NIN: variants seen among roughly 807,000 people sequenced by gnomAD.
NIN encodes glycogen synthase kinase 3 beta-interacting protein.
In NIN, 137 loss-of-function variants were observed where a neutral mutation model predicts 257.6. The ratio of observed to expected loss-of-function variants is 0.53; its 90% CI spans 0.46 to 0.61. NIN has a LOEUF of 0.61. Ranked by LOEUF, NIN falls within the 20% of genes least tolerant of loss-of-function variation. The pLI, the probability that NIN is intolerant of heterozygous loss-of-function variation, is 0.00. For synonymous variants in NIN, 918 were observed against 919.8 expected, an observed-to-expected ratio of 1.00 and a Z score of 0.04; for missense variants, 2,439 against 2,501.2, an observed-to-expected ratio of 0.98 and a Z score of 0.53.
intron 20 of NIN, among the ~76,000 whole-genome samples, chr14:50,754,223 G>A (rs2041923931): frequency 6.6e-6 from 1 of 152,162 alleles, no homozygotes. Context: ...TTCAATCATG[G>A]TGAGGAAAAA....
rs2140296493 is a variant in NIN at position 50,721,792 on chromosome 14, C to G, written c.*1671G>C. On this transcript the variant is annotated 3_prime_UTR_variant, in exon 31 of 31. Coordinates refer to ENST00000530997, the MANE Select transcript of NIN (RefSeq NM_020921.4). ...TCATCAGTGTGAACTCCCAGTCCCA[C>G]AAAAAACAGTGCCTTGTCAAGGCTC... 1 of 223,808 alleles carries G rather than the reference C, an allele frequency of 4.5e-6. No individual in the cohort carries two copies. Among genetic ancestry groups the G allele is most frequent in the South Asian group, 1.8e-4 (1 of 5,456 alleles). 13.9% of individuals were successfully genotyped at this position (223,808 alleles called of 1,614,324 possible).
chr14:50,827,468 C>G (rs936888048), intron 2 of NIN, among the ~76,000 whole-genome samples: 2 of 151,994 alleles, frequency 1.3e-5, no homozygotes, highest in African/African-American at 4.8e-5. Flanking sequence ...GAAAAAATGG[C>G]TGGGAGCGGG....
rs1221386813 is a variant in NIN at position 50,744,250 on chromosome 14, A to T, written c.5180T>A (p.Val1727Asp). The T allele has an allele frequency of 6.2e-7, 1 of 1,613,738 alleles. No homozygotes were observed. The highest frequency in any genetic ancestry group is 1.3e-5 in the African/African-American group (1 of 74,928). ...EALSEELNSC[V>D]DKLAKSSLLE... ...TCTTATTACTTCTACTACCTTATCG[A>T]CACAGCTATTTAATTCCTCACTCAG... is the stretch of plus-strand genomic sequence containing the variant. The change falls in exon 23 of 31, where the codon GTC (valine) becomes GAC (aspartate). Residue 1727 changes from valine to aspartate, a missense_variant. By Grantham distance (152) the Val-to-Asp change is radical (BLOSUM62 -3). Around this residue, in one of 3 missense-constraint regions of NIN, gnomAD observed 2,043 missense variants for 2,050.2 expected, o/e 1.00. Transcript: ENST00000530997.
chr14:50,744,203 A>T, intron 23 of NIN, 40 bp downstream of exon 23: 1 of 1,606,282 alleles, frequency 6.2e-7, no homozygotes, highest in Non-Finnish European at 8.5e-7. Context: ...TATGGTGTGT[A>T]TTGTATACGA....
chr14:50,740,628 G>A (rs541859367), intron 25 of NIN, among the ~76,000 whole-genome samples: 15 of 152,096 alleles, frequency 9.9e-5, no homozygotes, highest in South Asian at 8.3e-4. Flanking sequence ...GATTACAAGC[G>A]TGAGCCACCA....
At chr14:50,732,743 T>A (rs2040780808) in intron 28 of NIN, among the ~76,000 whole-genome samples, 1 of 152,144 alleles carries the variant, frequency 6.6e-6, no homozygotes, top group African/African-American at 2.4e-5. Flanking sequence ...TGGGTTTTTT[T>A]TTGAGACGGA....
chr14:50,822,040 T>G lies in NIN; in HGVS notation c.17A>C (p.Gln6Pro). Residue 6 changes from glutamine to proline, a missense_variant, in exon 3 of 31, where the codon CAG becomes CCG. Coordinates refer to ENST00000530997, the MANE Select transcript of NIN (RefSeq NM_020921.4). ...CTTGAGTCGGGCCTCATGCTGGTCCTGCTCCACCTCATCCATCCCATAGCC... is the reference window on the plus strand; with the variant it reads ...CTTGAGTCGGGCCTCATGCTGGTCCGGCTCCACCTCATCCATCCCATAGCC... MDEVE[Q>P]DQHEARLKEL... The G allele has an allele frequency of 6.2e-7, 1 of 1,613,642 alleles. No homozygotes were observed. Among genetic ancestry groups the G allele is most frequent in the African/African-American group, 1.3e-5 (1 of 75,050 alleles).
chr14:50,825,450 G>A lies in NIN; in HGVS notation c.-21-3373C>T, dbSNP rs1322169198. 2.0e-5 allele frequency among the ~76,000 whole-genome samples: 3 copies of A among 152,336 alleles called. No individual in the cohort carries two copies. The East Asian group carries it at 5.8e-4, about 29-fold the overall frequency. On this transcript the variant is annotated intron_variant, in intron 2 of 30. Coordinates refer to ENST00000530997, the MANE Select transcript of NIN (RefSeq NM_020921.4). ...TGCACTGTAACTGGGAATTACTTCT[G>A]AACATTTACTATGAGTCTGGCCTAA... is the stretch of plus-strand genomic sequence containing the variant.
Position 50,720,740 on chromosome 14 carries a change from A to G in NIN, c.*2723T>C, listed in dbSNP as rs1398420504. 4.9e-6 allele frequency: 1 copy of G among 204,010 alleles called. No individual in the cohort carries two copies. Among genetic ancestry groups the G allele is most frequent in the Non-Finnish European group, 1.0e-5 (1 of 99,460 alleles). The allele number at this position is 204,010 out of a possible 1,614,324, so 12.6% of individuals were successfully genotyped here. On this transcript the variant is annotated 3_prime_UTR_variant, in exon 31 of 31. Coordinates refer to ENST00000530997, the MANE Select transcript of NIN (RefSeq NM_020921.4). The stretch of plus-strand genomic sequence containing the variant: ...AATCTAAGCTTAAGTGCAGGCTTCT[A>G]AAAAGCAGAAGAGAGTACAATAGGA...
Position 50,759,802 on chromosome 14 carries a change from C to G in NIN, c.2399+55G>C. On this transcript the variant is annotated intron_variant, in intron 17 of 30. Coordinates refer to ENST00000530997, the MANE Select transcript of NIN (RefSeq NM_020921.4). ...CCGCGCCCAGCCACAACTGGCACTT[C>G]TAATGCCCCGAGGGATGGTGCCCCA... 4.5e-6 allele frequency: 7 copies of G among 1,540,608 alleles called. No individual in the cohort carries two copies. The South Asian group carries it at 9.0e-5, about 20-fold the overall frequency.
rs2041384175 is a variant in NIN at position 50,743,423 on chromosome 14, T to C, written c.5294A>G (p.Gln1765Arg). 2.5e-6 allele frequency: 4 copies of C among 1,600,848 alleles called. No individual in the cohort carries two copies. In the African/African-American group the frequency reaches 4.0e-5, roughly 16 times the overall value. The change falls in exon 24 of 31, where the codon CAG becomes CGG. Residue 1765 changes from glutamine to arginine, a missense_variant. Transcript: ENST00000530997. ...CAAGAATTGTCCATGTACCTTTTCC[T>C]GAGAAGCCACCAGCTGTGACTTTAA... is the stretch of plus-strand genomic sequence containing the variant. ...ASLKSQLVASQEKVQNLEDTV... is the reference protein window; with the variant it reads ...ASLKSQLVASREKVQNLEDTV...
intron 3 of NIN, among the ~76,000 whole-genome samples, chr14:50,807,449 T>G (rs1278764608): frequency 6.6e-6 from 1 of 152,242 alleles, no homozygotes; most frequent in Non-Finnish European, 1.5e-5. Flanking sequence ...GAGTTTTATT[T>G]AAGTAAATAG....
In NIN at chr14:50,756,997, AG is replaced by A; in HGVS notation, c.4032del (p.Cys1345AlafsTer8). The A allele has an allele frequency of 1.2e-6, 2 of 1,613,588 alleles. No individual in the cohort carries two copies. On this transcript the variant is annotated frameshift_variant, in exon 18 of 31. Transcript: ENST00000530997. LOFTEE classifies it high-confidence loss of function. Reference protein sequence around the residue: ...KLQESVVQRCDCCLWEASLEN... With the variant: ...KLQESVVQRCXCCLWEASLEN... ...TCTAAACTGGCTTCCCATAAGCAGC[AG>A]TCACACCGCTGGACCACGCTTTCCT...
chr14:50,751,636 C>T (rs2041794612), intron 21 of NIN, among the ~76,000 whole-genome samples: 2 of 152,178 alleles, frequency 1.3e-5, no homozygotes, highest in African/African-American at 2.4e-5. Flanking sequence ...AAGGGATCCT[C>T]CTGCCTCAGC....
chr14:50,758,347 C>G lies in NIN; in HGVS notation c.2683G>C (p.Glu895Gln), dbSNP rs1243745174. 4.3e-6 allele frequency: 7 copies of G among 1,614,144 alleles called. No homozygotes were observed. The highest frequency in any genetic ancestry group is 1.7e-5 in the Admixed American group (1 of 60,012). The change falls in exon 18 of 31, where the codon GAG (glutamate) becomes CAG (glutamine). Residue 895 changes from glutamate to glutamine, a missense_variant. Around this residue, in one of 3 missense-constraint regions of NIN, gnomAD observed 2,043 missense variants for 2,050.2 expected, o/e 1.00. Coordinates refer to ENST00000530997, the MANE Select transcript of NIN (RefSeq NM_020921.4). ...TCTTTGTATGTTTTCTCCAGCATCTCTCTCTCCTGGGTCAGGACCAGAGAA... is the reference window on the plus strand; with the variant it reads ...TCTTTGTATGTTTTCTCCAGCATCTGTCTCTCCTGGGTCAGGACCAGAGAA... ...TTSLVLTQER[E>Q]MLEKTYKEHL...
At chr14:50,802,499 A>G (rs1380911190) in intron 4 of NIN, among the ~76,000 whole-genome samples, 3 of 152,226 alleles carry the variant, frequency 2.0e-5, no homozygotes, top group African/African-American at 7.2e-5. Context: ...CTTTGTTTTT[A>G]TAGAATTTAT....
chr14:50,818,675 T>C (rs748867097), intron 3 of NIN, among the ~76,000 whole-genome samples: 2 of 152,212 alleles, frequency 1.3e-5, no homozygotes, highest in South Asian at 4.1e-4. Flanking sequence ...TAAACACTTA[T>C]CGGCAATATC....
chr14:50,787,356 T>A (rs2043391536), intron 5 of NIN, among the ~76,000 whole-genome samples: 1 of 152,246 alleles, frequency 6.6e-6, no homozygotes, highest in East Asian at 1.9e-4. Context: ...AGTTTAGTTT[T>A]GTTTTCCCTG....
At chr14:50,730,868 G>T in intron 28 of NIN, 1 of 1,274,644 alleles carries the variant, frequency 7.8e-7, no homozygotes, top group Middle Eastern at 2.2e-4. Context: ...CATGAGCAAG[G>T]GGTTTAATGA....
Sources: allele counts gnomAD v4.1 joint callset (sites outside exome capture counted in the v4.1 genomes callset), GRCh38; gene constraint gnomAD v4.1.1; regional missense constraint gnomAD v4.1.1; transcripts MANE v1.5; gene names NCBI Gene and HGNC (gene_info 2026-07-23, HGNC 2026-07-21).